The following EPHA4 variants were observed in gnomAD, a reference collection of about 807,000 sequenced individuals.
EPHA4 encodes the protein EPH receptor A4, also known as ephrin type-A receptor 4.
Under a neutral mutation model 108.3 loss-of-function variants are expected in EPHA4, and 19 were observed. The observed-to-expected ratio is 0.18, with a 90% CI of 0.12 to 0.26. EPHA4 has a LOEUF of 0.26. Ranked by LOEUF, EPHA4 falls within the 10% of genes least tolerant of loss-of-function variation. The pLI is 1.00. For synonymous variants in EPHA4, 449 were observed against 455.5 expected, an observed-to-expected ratio of 0.99 and a Z score of 0.18; for missense variants, 917 against 1,254.0, an observed-to-expected ratio of 0.73 and a Z score of 4.06.
chr2:221,546,936 G>A (rs1397952710), intron 3 of EPHA4, among the ~76,000 whole-genome samples: 1 of 152,090 alleles, frequency 6.6e-6, no homozygotes, highest in Non-Finnish European at 1.5e-5. Context: ...GAATAGCTAA[G>A]AGGCTAAAAA....
At chr2:221,469,053 A>G (rs1237265128) in intron 5 of EPHA4, among the ~76,000 whole-genome samples, 1 of 152,228 alleles carries the variant, frequency 6.6e-6, no homozygotes, top group Non-Finnish European at 1.5e-5. Flanking sequence ...ATCTCTTCCA[A>G]CAGGGGCCAA....
At chr2:221,538,346 A>T (rs909742856) in intron 3 of EPHA4, among the ~76,000 whole-genome samples, 3 of 152,226 alleles carry the variant, frequency 2.0e-5, no homozygotes, top group Non-Finnish European at 1.5e-5. Context: ...AAAATGTGAA[A>T]ATCAATTGAA....
intron 5 of EPHA4, among the ~76,000 whole-genome samples, chr2:221,462,123 G>A (rs1325872241): frequency 1.3e-5 from 2 of 151,718 alleles, no homozygotes; most frequent in African/African-American, 4.8e-5. Flanking sequence ...GACAAATGCA[G>A]GCATTCTTTA....
Position 221,523,357 on chromosome 2 carries a change from G to A in EPHA4, c.824-22185C>T, listed in dbSNP as rs1054193166. 7.9e-5 allele frequency among the ~76,000 whole-genome samples: 12 copies of A among 151,622 alleles called. 1 individual carries two copies. The highest frequency in any genetic ancestry group is 3.3e-4 in the Admixed American group (5 of 15,236). ...GGCTGGAGTGCAATGGCACGATCTC[G>A]GCTCACCACAACCTCCGCCTCCCAA... On this transcript the variant is annotated intron_variant, in intron 3 of 17. Coordinates refer to ENST00000281821, the MANE Select transcript of EPHA4 (RefSeq NM_004438.5).
chr2:221,559,171 T>G (rs531343117), intron 3 of EPHA4, among the ~76,000 whole-genome samples: 4 of 152,248 alleles, frequency 2.6e-5, no homozygotes, highest in Non-Finnish European at 5.9e-5. Flanking sequence ...TATGAGTACA[T>G]TTTAATACTG....
intron 3 of EPHA4, among the ~76,000 whole-genome samples, chr2:221,561,871 GT>G: frequency 6.6e-6 from 1 of 152,274 alleles, no homozygotes; most frequent in South Asian, 2.1e-4. Context: ...AGCCAATGTT[GT>G]TTTTTTAAAA....
At chr2:221,461,985 CT>C (rs71050335) in intron 5 of EPHA4, among the ~76,000 whole-genome samples, 107 of 138,886 alleles carry the variant, frequency 7.7e-4, no homozygotes, top group African/African-American at 7.9e-4. Flanking sequence ...TGAACACATT[CT>C]TTTTTTTTTT....
intron 1 of EPHA4, 148 bp downstream of exon 1, chr2:221,572,010 C>G: frequency 1.5e-6 from 1 of 673,754 alleles, no homozygotes; most frequent in Non-Finnish European, 2.6e-6. Context: ...CTTCGCCGAT[C>G]CCCTCGCCTC....
At chr2:221,567,966 G>A (rs1043553030) in intron 2 of EPHA4, among the ~76,000 whole-genome samples, 1 of 152,228 alleles carries the variant, frequency 6.6e-6, no homozygotes, top group Admixed American at 6.5e-5. Flanking sequence ...TTCCAAAGCT[G>A]ATTCATTCTG....
chr2:221,442,771 T>C, intron 11 of EPHA4, 58 bp downstream of exon 11: 5 of 1,561,526 alleles, frequency 3.2e-6, no homozygotes, highest in Non-Finnish European at 4.4e-6. Flanking sequence ...AAAGAAAATG[T>C]GTGTTTAATT....
intron 5 of EPHA4, among the ~76,000 whole-genome samples, chr2:221,473,509 A>T (rs1390829708): frequency 6.7e-6 from 1 of 149,646 alleles, no homozygotes; most frequent in Non-Finnish European, 1.5e-5. Flanking sequence ...TTAATGCAAG[A>T]TAAGTCCTGT....
At chr2:221,435,595 T>A (rs1314016191) in intron 13 of EPHA4, among the ~76,000 whole-genome samples, 4 of 152,186 alleles carry the variant, frequency 2.6e-5, no homozygotes, top group Non-Finnish European at 5.9e-5. Context: ...GTCAGCTTCG[T>A]GTTGATTTTA....
intron 4 of EPHA4, among the ~76,000 whole-genome samples, chr2:221,487,394 T>C (rs1692010860): frequency 6.6e-6 from 1 of 152,158 alleles, no homozygotes; most frequent in South Asian, 2.1e-4. Flanking sequence ...GAAATGTGGG[T>C]TCTATCAAAT....
At chr2:221,547,873 G>A (rs541019489) in intron 3 of EPHA4, among the ~76,000 whole-genome samples, 2 of 152,294 alleles carry the variant, frequency 1.3e-5, no homozygotes, top group South Asian at 4.1e-4. Context: ...TGACTTACAA[G>A]GCTGTTTAAG....
intron 8 of EPHA4, among the ~76,000 whole-genome samples, chr2:221,451,693 A>G (rs1690789868): frequency 1.3e-5 from 2 of 152,232 alleles, no homozygotes; most frequent in South Asian, 4.1e-4. Flanking sequence ...AGTGATGAGA[A>G]AGACACAGAT....
chr2:221,499,041 C>T (rs1286729700), intron 4 of EPHA4, among the ~76,000 whole-genome samples: 4 of 151,356 alleles, frequency 2.6e-5, no homozygotes, highest in Admixed American at 6.6e-5. Context: ...CCGCCTGCCT[C>T]GGCCTCCCAA....
At chr2:221,526,714 G>A (rs1693334764) in intron 3 of EPHA4, among the ~76,000 whole-genome samples, 1 of 151,820 alleles carries the variant, frequency 6.6e-6, no homozygotes, top group Non-Finnish European at 1.5e-5. Context: ...AGGCGCAGTG[G>A]CGAGGGCCTA....
intron 2 of EPHA4, among the ~76,000 whole-genome samples, chr2:221,564,758 G>GT (rs1261124246): frequency 2.6e-5 from 4 of 152,008 alleles, no homozygotes; most frequent in Non-Finnish European, 4.4e-5. Context: ...GGAAAAACTA[G>GT]TATGGGTATT....
intron 5 of EPHA4, among the ~76,000 whole-genome samples, chr2:221,475,547 T>C (rs1691627680): frequency 1.3e-5 from 2 of 152,212 alleles, no homozygotes; most frequent in Admixed American, 6.5e-5. Flanking sequence ...CTTGATTTAG[T>C]ACTCCAGAGC....
Sources: allele counts gnomAD v4.1 joint callset (sites outside exome capture counted in the v4.1 genomes callset), GRCh38; gene constraint gnomAD v4.1.1; transcripts MANE v1.5; gene names NCBI Gene and HGNC (gene_info 2026-07-23, HGNC 2026-07-21).